HDAC9: variants seen among roughly 807,000 people sequenced by gnomAD.
HDAC9 encodes MEF-2 interacting transcription repressor (MITR) protein.
In HDAC9, 41 loss-of-function variants were observed where a neutral mutation model predicts 139.4. The observed-to-expected ratio is 0.29, with a 90% CI of 0.23 to 0.38. HDAC9 has a LOEUF of 0.38. Ranked by LOEUF, HDAC9 falls within the 10% of genes least tolerant of loss-of-function variation. The pLI is 1.00. For synonymous variants in HDAC9, 517 were observed against 476.2 expected, an observed-to-expected ratio of 1.09 and a Z score of -1.12; for missense variants, 1,147 against 1,297.0, an observed-to-expected ratio of 0.88 and a Z score of 1.78.
chr7:18,307,763 G>A (rs965173159), intron 1 of HDAC9, among the ~76,000 whole-genome samples: 4 of 152,030 alleles, frequency 2.6e-5, no homozygotes, highest in East Asian at 1.9e-4. Flanking sequence ...AAATTGTGCC[G>A]CTGCACTCCA....
At position 18,182,354 on chromosome 7, in the gene HDAC9, C is replaced by T. The variant is rs537693754; in HGVS notation, c.25+20005C>T. Among the ~76,000 whole-genome samples the T allele has an allele frequency of 2.0e-5, 3 of 152,276 alleles. No individual in the cohort carries two copies. The South Asian group carries it at 6.2e-4, about 32-fold the overall frequency. Reference sequence around the variant, plus strand: ...CTCTATGTCGTACAAGTATTAGGAGCAGGCTTCTGTGGGGGAAATAAAAAT... The same window carrying T: ...CTCTATGTCGTACAAGTATTAGGAGTAGGCTTCTGTGGGGGAAATAAAAAT... On this transcript the variant is annotated intron_variant, in intron 2 of 12. Transcript: ENST00000417496.
At chr7:18,621,861 A>C (rs1840303965) in intron 6 of HDAC9, among the ~76,000 whole-genome samples, 1 of 152,148 alleles carries the variant, frequency 6.6e-6, no homozygotes, top group Non-Finnish European at 1.5e-5. Context: ...GTGTATTTTG[A>C]TTAACTAGAC....
chr7:18,845,915 G>A (rs1240228504), intron 21 of HDAC9, among the ~76,000 whole-genome samples: 6 of 152,072 alleles, frequency 3.9e-5, no homozygotes, highest in Non-Finnish European at 8.8e-5. Flanking sequence ...TTGGAGTCAC[G>A]TGCACTGTGG....
intron 7 of HDAC9, among the ~76,000 whole-genome samples, chr7:18,634,416 T>C (rs546040351): frequency 2.7e-4 from 41 of 151,978 alleles, no homozygotes; most frequent in Non-Finnish European, 5.2e-4. Context: ...TTGAACACTA[T>C]TTAGTATGTT....
intron 19 of HDAC9, among the ~76,000 whole-genome samples, chr7:18,832,351 G>A (rs1042368016): frequency 6.6e-6 from 1 of 152,184 alleles, no homozygotes; most frequent in African/African-American, 2.4e-5. Flanking sequence ...CCTATACTGA[G>A]TAACTAGGAG....
intron 21 of HDAC9, among the ~76,000 whole-genome samples, chr7:18,865,855 A>G (rs1334707858): frequency 6.7e-6 from 1 of 148,194 alleles, no homozygotes; most frequent in Non-Finnish European, 1.5e-5. Context: ...GTATAATTTT[A>G]TAATATGATG....
intron 2 of HDAC9, among the ~76,000 whole-genome samples, chr7:18,259,965 A>C (rs978370842): frequency 5.3e-5 from 8 of 152,176 alleles, no homozygotes; most frequent in Non-Finnish European, 7.3e-5. Context: ...CCCCCATATC[A>C]TACTGATATG....
At chr7:18,674,542 T>C (rs1584813308) in intron 12 of HDAC9, among the ~76,000 whole-genome samples, 1 of 152,190 alleles carries the variant, frequency 6.6e-6, no homozygotes, top group African/African-American at 2.4e-5. Flanking sequence ...TTTTTGGTTT[T>C]TGAGGTCAGG....
chr7:18,948,030 TA>T (rs1782524130), intron 23 of HDAC9, among the ~76,000 whole-genome samples: 1 of 152,022 alleles, frequency 6.6e-6, no homozygotes, highest in Non-Finnish European at 1.5e-5. Context: ...TACCCAATCA[TA>T]ATGAACAATT....
At chr7:18,151,580 G>T (rs1362319746) in intron 1 of HDAC9, among the ~76,000 whole-genome samples, 9 of 152,152 alleles carry the variant, frequency 5.9e-5, no homozygotes. Flanking sequence ...TGATAGAAAA[G>T]CTGCAGCCTA....
chr7:18,293,750 G>A (rs769022432), intron 1 of HDAC9, among the ~76,000 whole-genome samples: 28 of 152,100 alleles, frequency 1.8e-4, no homozygotes, highest in Non-Finnish European at 3.4e-4. Context: ...TCTTTGTGCA[G>A]TAATGTAATT....
rs544782293 is a variant in HDAC9, at chr7:18,974,028, G to C, written c.3023-1778G>C. ...CAAGAGTGTGTATTAATTAGCCCTTGCCTACCATAGCAGTCTCATCCATCC... is the reference window on the plus strand; with the variant it reads ...CAAGAGTGTGTATTAATTAGCCCTTCCCTACCATAGCAGTCTCATCCATCC... On this transcript the variant is annotated intron_variant, in intron 24 of 25. Transcript: ENST00000686413. 1.7e-4 allele frequency among the ~76,000 whole-genome samples: 26 copies of C among 152,270 alleles called. No individual in the cohort carries two copies. In the East Asian group the frequency reaches 4.6e-3, roughly 27 times the overall value.
chr7:18,444,306 C>T (rs140401153), intron 1 of HDAC9, among the ~76,000 whole-genome samples: 1 of 131,364 alleles, frequency 7.6e-6, no homozygotes, highest in African/African-American at 3.0e-5. Flanking sequence ...GCCAATGCTG[C>T]ACTACAGCCT....
chr7:18,806,884 C>T (rs1313232862), intron 17 of HDAC9, among the ~76,000 whole-genome samples: 2 of 152,140 alleles, frequency 1.3e-5, no homozygotes, highest in Non-Finnish European at 2.9e-5. Flanking sequence ...ATTTTTACAT[C>T]CATGTTCATC....
At position 18,666,366 on chromosome 7, in the gene HDAC9, A is replaced by G. The variant is rs1195662870; in HGVS notation, c.1621A>G (p.Thr541Ala). ...CGACAGCAGTGCTTGTGTGGATGACACACTGGGACAAGTTGGGGCTGTGAA... is the reference window on the plus strand; with the variant it reads ...CGACAGCAGTGCTTGTGTGGATGACGCACTGGGACAAGTTGGGGCTGTGAA... ...RSDSSACVDD[T>A]LGQVGAVKVK... The change falls in exon 12 of 26, where the codon ACA becomes GCA. Residue 541 changes from threonine to alanine, a missense_variant. Around this residue, in one of 7 missense-constraint regions of HDAC9, gnomAD observed 256 missense variants for 219.2 expected, o/e 1.17. Transcript: ENST00000686413. 6.2e-7 allele frequency: 1 copy of G among 1,613,328 alleles called. No individual in the cohort carries two copies. The highest frequency in any genetic ancestry group is 2.2e-5 in the East Asian group (1 of 44,708).
chr7:18,734,235 T>A lies in HDAC9; in HGVS notation c.1909+6478T>A, dbSNP rs1283830460. Among the ~76,000 whole-genome samples the A allele has an allele frequency of 2.6e-5, 4 of 152,198 alleles. No individual in the cohort carries two copies. The East Asian group carries it at 5.8e-4, about 22-fold the overall frequency. ...TATTATAGTGATGTGTGATCAGTGATCTTTTTCATTATACTTTAAGTTCTA... is the reference window on the plus strand; with the variant it reads ...TATTATAGTGATGTGTGATCAGTGAACTTTTTCATTATACTTTAAGTTCTA... On this transcript the variant is annotated intron_variant, in intron 13 of 25. Transcript: ENST00000686413.
chr7:18,494,271 G>A (rs751714976), upstream of HDAC9, among the ~76,000 whole-genome samples: 5 of 151,984 alleles, frequency 3.3e-5, no homozygotes, highest in Non-Finnish European at 5.9e-5. Flanking sequence ...GAGGAATTCA[G>A]CAGTGGCCTA....
rs1784817781 is a variant in HDAC9 at position 18,374,262 on chromosome 7, TG to T, written c.-42+83748del. The stretch of plus-strand genomic sequence containing the variant: ...GTACAGTTTAGAAGTTATATATATA[TG>T]TAGTGTAGGTGTAGGTGTGTGTATA... On this transcript the variant is annotated intron_variant, in intron 1 of 3. Transcript: ENST00000413509. 2.0e-5 allele frequency among the ~76,000 whole-genome samples: 3 copies of T among 151,834 alleles called. No individual in the cohort carries two copies. The South Asian group carries it at 6.2e-4, about 32-fold the overall frequency.
At chr7:18,286,419 A>G (rs1433292381), upstream of HDAC9, among the ~76,000 whole-genome samples, 1 of 149,032 alleles carries the variant, frequency 6.7e-6, no homozygotes, top group Admixed American at 6.7e-5. Context: ...TATAATATGT[A>G]AAATAATAAT....
Sources: allele counts gnomAD v4.1 joint callset (sites outside exome capture counted in the v4.1 genomes callset), GRCh38; gene constraint gnomAD v4.1.1; regional missense constraint gnomAD v4.1.1; transcripts MANE v1.5; gene names NCBI Gene and HGNC (gene_info 2026-07-23, HGNC 2026-07-21).